The following BMPR1A variants were observed in gnomAD, a reference collection of about 807,000 sequenced individuals.
BMPR1A encodes the protein bone morphogenetic protein receptor type 1A, also known as bone morphogenetic protein receptor type-1A.
Under a neutral mutation model 66.0 loss-of-function variants are expected in BMPR1A, and 7 were observed. The observed-to-expected ratio is 0.11, with a 90% CI of 0.06 to 0.20. BMPR1A has a LOEUF of 0.20. Ranked by LOEUF, BMPR1A falls within the 10% of genes least tolerant of loss-of-function variation. The probability of loss-of-function intolerance (pLI) is 1.00; values close to 1 mark genes in which losing one functional copy is unlikely to be tolerated. For missense variants in BMPR1A, 408 were observed against 669.1 expected (o/e 0.61, Z 4.31); for synonymous variants, 200 against 229.7 (o/e 0.87, Z 1.17).
intron 4 of BMPR1A, 40 bp downstream of exon 4, chr10:86,890,264 T>C: frequency 6.2e-7 from 1 of 1,607,914 alleles, no homozygotes; most frequent in South Asian, 1.1e-5. Context: ...GTTAGGAGAA[T>C]AGAGTTGCAT....
At chr10:86,835,550 A>C (rs1475192006) in intron 1 of BMPR1A, among the ~76,000 whole-genome samples, 2 of 29,180 alleles carry the variant, frequency 6.9e-5, no homozygotes, top group East Asian at 3.7e-3. Flanking sequence ...ACTCTGTATC[A>C]AAAAAAAAAA....
chr10:86,918,503 TAA>T (rs1478569672), intron 9 of BMPR1A, among the ~76,000 whole-genome samples: 1 of 152,228 alleles, frequency 6.6e-6, no homozygotes, highest in African/African-American at 2.4e-5. Flanking sequence ...CTTAATTTTA[TAA>T]AAGTGTCCAC....
At chr10:86,801,318 G>A (rs989838047) in intron 1 of BMPR1A, among the ~76,000 whole-genome samples, 1 of 151,362 alleles carries the variant, frequency 6.6e-6, no homozygotes, top group Non-Finnish European at 1.5e-5. Flanking sequence ...TGTATTTTTT[G>A]TAAAGATGAG....
chr10:86,920,856 C>CTTTTTTT (rs397774280), intron 10 of BMPR1A, among the ~76,000 whole-genome samples: 2 of 122,180 alleles, frequency 1.6e-5, no homozygotes, highest in African/African-American at 3.1e-5. Context: ...CTTTTCTTTT[C>CTTTTTTT]TTTTTTTTTT....
intron 9 of BMPR1A, 68 bp from the exon 10 acceptor site, chr10:86,919,104 A>G (rs1003355952): frequency 6.3e-7 from 1 of 1,577,990 alleles, no homozygotes; most frequent in Non-Finnish European, 8.7e-7. Flanking sequence ...CAGTATCCAG[A>G]ATGAGCATTA....
intron 2 of BMPR1A, chr10:86,854,633 G>A (rs143939438): frequency 3.1e-3 from 529 of 169,066 alleles, no homozygotes; most frequent in Middle Eastern, 9.4e-3. Flanking sequence ...TCCAAGATTT[G>A]CTATGATGAG....
intron 7 of BMPR1A, among the ~76,000 whole-genome samples, chr10:86,911,856 A>C (rs1424996354): frequency 6.6e-6 from 1 of 152,226 alleles, no homozygotes; most frequent in Non-Finnish European, 1.5e-5. Flanking sequence ...AAAGCATATT[A>C]AAAGAAGGCA....
intron 1 of BMPR1A, among the ~76,000 whole-genome samples, chr10:86,815,030 G>A (rs527796939): frequency 1.3e-5 from 2 of 152,222 alleles, no homozygotes; most frequent in South Asian, 2.1e-4. Flanking sequence ...GTGGTCTGCC[G>A]CCTCGGCCTC....
intron 1 of BMPR1A, among the ~76,000 whole-genome samples, chr10:86,805,245 A>G (rs1053426790): frequency 1.3e-5 from 2 of 152,078 alleles, no homozygotes; most frequent in African/African-American, 4.8e-5. Flanking sequence ...TTTTGAAATC[A>G]TTTCATACTT....
chr10:86,920,492 G>A (rs1448099574), intron 10 of BMPR1A, among the ~76,000 whole-genome samples: 1 of 152,156 alleles, frequency 6.6e-6, no homozygotes, highest in Admixed American at 6.5e-5. Context: ...ATTTTAGGCT[G>A]TAATATAAAA....
chr10:86,868,263 A>G (rs184285496), intron 2 of BMPR1A, among the ~76,000 whole-genome samples: 2 of 152,356 alleles, frequency 1.3e-5, no homozygotes. Context: ...ACACTCAGAC[A>G]ACTCTTTAAG....
At chr10:86,868,088 G>A (rs986265379) in intron 2 of BMPR1A, among the ~76,000 whole-genome samples, 3 of 152,156 alleles carry the variant, frequency 2.0e-5, no homozygotes, top group Non-Finnish European at 4.4e-5. Context: ...CCCTGTTTTA[G>A]GTCTTCACTT....
intron 1 of BMPR1A, among the ~76,000 whole-genome samples, chr10:86,822,458 G>GGC (rs1485850735): frequency 1.3e-5 from 2 of 152,088 alleles, no homozygotes; most frequent in East Asian, 3.9e-4. Flanking sequence ...CACAGTCATG[G>GGC]GCAATTGGTT....
At chr10:86,918,701 G>T (rs1159942449) in intron 9 of BMPR1A, among the ~76,000 whole-genome samples, 2 of 148,580 alleles carry the variant, frequency 1.3e-5, no homozygotes, top group African/African-American at 2.5e-5. Flanking sequence ...TTGGCTCACT[G>T]CAACCTCTGC....
At chr10:86,767,451 G>A (rs1841184549) in intron 1 of BMPR1A, among the ~76,000 whole-genome samples, 1 of 152,184 alleles carries the variant, frequency 6.6e-6, no homozygotes, top group Non-Finnish European at 1.5e-5. Flanking sequence ...GGCGGAGGCA[G>A]GAGGATCACT....
chr10:86,773,011 G>A (rs968433626), intron 1 of BMPR1A, among the ~76,000 whole-genome samples: 1 of 152,078 alleles, frequency 6.6e-6, no homozygotes, highest in African/African-American at 2.4e-5. Context: ...GTTGAGTAAA[G>A]CTAAGTTCAT....
At chr10:86,921,407 A>G (rs1369286385) in intron 10 of BMPR1A, 113 bp from the exon 11 acceptor site, 7 of 1,359,528 alleles carry the variant, frequency 5.1e-6, no homozygotes, top group Middle Eastern at 2.5e-4. Context: ...TAAATTCCAC[A>G]ATGCATCTGG....
intron 5 of BMPR1A, among the ~76,000 whole-genome samples, chr10:86,892,630 T>C (rs1843168968): frequency 6.6e-6 from 1 of 152,104 alleles, no homozygotes; most frequent in South Asian, 2.1e-4. Context: ...GGTTTTACCA[T>C]GTTGCCCAGG....
In BMPR1A at chr10:86,768,038, C is replaced by T. The variant is rs530726696; in HGVS notation, c.-268+11119C>T. ...TACACATGCCCCAAATTCGGACAGC[C>T]CCCTTGGGTCACATTTTTCTGTGAA... On this transcript the variant is annotated intron_variant, in intron 1 of 12. Coordinates refer to ENST00000372037, the MANE Select transcript of BMPR1A (RefSeq NM_004329.3). Among the ~76,000 whole-genome samples, 3 of 152,262 alleles carry T rather than the reference C, an allele frequency of 2.0e-5. No homozygotes were observed. In the East Asian group the frequency reaches 5.8e-4, roughly 29 times the overall value.
Sources: gnomAD v4.1 joint callset for allele counts (sites outside exome capture counted in the v4.1 genomes callset) on GRCh38, gnomAD v4.1.1 for gene constraint, MANE v1.5 for transcripts, NCBI Gene and HGNC (gene_info 2026-07-23, HGNC 2026-07-21) for gene names.